SYT1: variants seen among roughly 807,000 people sequenced by gnomAD.
The protein encoded by SYT1 is synaptotagmin 1.
A neutral mutation model predicts 44.8 loss-of-function variants in SYT1; 8 were observed. That is an observed-to-expected ratio of 0.18 (90% CI 0.10 to 0.32). The LOEUF (loss-of-function observed/expected upper bound fraction) is 0.32. SYT1 is among the 10% of genes least tolerant of loss of function. SYT1 has a pLI of 1.00. For synonymous variants in SYT1, 154 were observed against 188.8 expected, an observed-to-expected ratio of 0.82 and a Z score of 1.51; for missense variants, 286 against 509.3, an observed-to-expected ratio of 0.56 and a Z score of 4.22.
At chr12:78,933,994 G>A (rs1057195889) in intron 1 of SYT1, among the ~76,000 whole-genome samples, 2 of 151,910 alleles carry the variant, frequency 1.3e-5, no homozygotes, top group African/African-American at 4.8e-5. Context: ...ATGTCTTTTT[G>A]GTCAATACAG....
intron 1 of SYT1, among the ~76,000 whole-genome samples, chr12:78,941,047 T>G (rs1228206375): frequency 1.1e-5 from 1 of 93,970 alleles, no homozygotes; most frequent in African/African-American, 2.9e-5. Flanking sequence ...TTTCTTTACT[T>G]TTTTTTTCTT....
At chr12:79,280,624 A>G (rs1878995938) in intron 4 of SYT1, among the ~76,000 whole-genome samples, 1 of 152,084 alleles carries the variant, frequency 6.6e-6, no homozygotes, top group African/African-American at 2.4e-5. Flanking sequence ...AAGACCCCAA[A>G]AGCAAATGTA....
At chr12:79,118,742 G>A (rs999574589) in intron 3 of SYT1, among the ~76,000 whole-genome samples, 1 of 152,168 alleles carries the variant, frequency 6.6e-6, no homozygotes, top group South Asian at 2.1e-4. Flanking sequence ...TGCCCTGGTA[G>A]CTCTTTAAAT....
At chr12:79,196,778 G>A (rs894880735) in intron 3 of SYT1, among the ~76,000 whole-genome samples, 105 of 152,224 alleles carry the variant, frequency 6.9e-4, no homozygotes, top group African/African-American at 2.5e-3. Context: ...AATCAATTAG[G>A]GAAACAATTA....
intron 3 of SYT1, among the ~76,000 whole-genome samples, chr12:79,117,712 TATAA>T (rs1555199609): frequency 7.0e-5 from 6 of 85,310 alleles, no homozygotes; most frequent in African/African-American, 2.0e-4. Context: ...TATATATATA[TATAA>T]AATAAATAGG....
chr12:79,227,696 C>T (rs753885835), intron 4 of SYT1, among the ~76,000 whole-genome samples: 10 of 152,138 alleles, frequency 6.6e-5, no homozygotes, highest in Non-Finnish European at 1.0e-4. Flanking sequence ...ATTTTTCTGA[C>T]TATCAGTTTC....
intron 4 of SYT1, among the ~76,000 whole-genome samples, chr12:79,248,666 G>A (rs1876997898): frequency 1.3e-5 from 2 of 152,138 alleles, no homozygotes; most frequent in Admixed American, 1.3e-4. Context: ...AGAGTCAAGA[G>A]GAAATGGTAT....
intron 4 of SYT1, among the ~76,000 whole-genome samples, chr12:79,224,358 G>A (rs1875358213): frequency 6.6e-6 from 1 of 152,104 alleles, no homozygotes; most frequent in Non-Finnish European, 1.5e-5. Context: ...AATGATGTAA[G>A]GAAAAATATA....
rs192178395 is a variant in SYT1, at chr12:79,104,587, C to T, written c.-18+57225C>T. Among the ~76,000 whole-genome samples, 10 of 151,974 alleles carry T rather than the reference C, an allele frequency of 6.6e-5. No individual in the cohort carries two copies. In the East Asian group the frequency reaches 1.9e-3, roughly 29 times the overall value. ...TAGGCAAGGATCTCTTTATTCCTTA[C>T]ACACATATTAATTTAGCATCATACT... is the stretch of plus-strand genomic sequence containing the variant. On this transcript the variant is annotated intron_variant, in intron 3 of 10. Coordinates refer to ENST00000261205, the MANE Select transcript of SYT1 (RefSeq NM_005639.3).
At chr12:79,092,454 T>C (rs1877843523) in intron 3 of SYT1, among the ~76,000 whole-genome samples, 2 of 151,734 alleles carry the variant, frequency 1.3e-5, no homozygotes, top group South Asian at 4.2e-4. Context: ...ATTTCAATTC[T>C]GCACACAAAA....
chr12:79,293,733 C>T (rs941879972), intron 6 of SYT1, among the ~76,000 whole-genome samples: 9 of 152,144 alleles, frequency 5.9e-5, no homozygotes, highest in African/African-American at 2.2e-4. Context: ...CCAGAGGGTT[C>T]CTCATGAAGG....
intron 2 of SYT1, among the ~76,000 whole-genome samples, chr12:78,981,783 C>G (rs1256281547): frequency 1.3e-5 from 2 of 152,156 alleles, no homozygotes; most frequent in Non-Finnish European, 2.9e-5. Context: ...GTAGTCAGCA[C>G]TATGCAAATT....
At chr12:78,968,096 T>C (rs1344872775) in intron 1 of SYT1, among the ~76,000 whole-genome samples, 2 of 152,150 alleles carry the variant, frequency 1.3e-5, no homozygotes, top group East Asian at 3.9e-4. Flanking sequence ...AAATTTACTA[T>C]GAAAATTTAA....
intron 4 of SYT1, among the ~76,000 whole-genome samples, chr12:79,219,354 T>G (rs75672269): frequency 0.015 from 2,213 of 152,178 alleles, 36 homozygotes; most frequent in Middle Eastern, 0.044. Flanking sequence ...CTATTTAGTT[T>G]GATATAATCC....
At chr12:79,170,304 C>T (rs773642443) in intron 3 of SYT1, among the ~76,000 whole-genome samples, 1 of 152,096 alleles carries the variant, frequency 6.6e-6, no homozygotes, top group African/African-American at 2.4e-5. Context: ...AACTAATTTA[C>T]ACTCCCACCA....
At chr12:79,272,391 A>C (rs1878477063) in intron 4 of SYT1, among the ~76,000 whole-genome samples, 1 of 152,220 alleles carries the variant, frequency 6.6e-6, no homozygotes, top group African/African-American at 2.4e-5. Flanking sequence ...ATCAGATGGG[A>C]GATAATATCA....
intron 3 of SYT1, among the ~76,000 whole-genome samples, chr12:79,100,802 G>A (rs1878403087): frequency 6.6e-6 from 1 of 151,898 alleles, no homozygotes; most frequent in South Asian, 2.1e-4. Context: ...TTATTACTTA[G>A]CTACCTTTAG....
At chr12:78,919,905 G>A (rs1876882377) in intron 1 of SYT1, among the ~76,000 whole-genome samples, 1 of 151,896 alleles carries the variant, frequency 6.6e-6, no homozygotes, top group African/African-American at 2.4e-5. Flanking sequence ...TATTATATAT[G>A]TCAAGCATAA....
At chr12:79,026,668 TATATATATATATATATATA>T (rs1428647541) in intron 2 of SYT1, among the ~76,000 whole-genome samples, 3 of 6,510 alleles carry the variant, frequency 4.6e-4, no homozygotes, top group Non-Finnish European at 1.0e-3. Flanking sequence ...ATATATATTT[TATATATATATATATATATA>T]TATATATATA....
Sources: gnomAD v4.1 joint callset for allele counts (sites outside exome capture counted in the v4.1 genomes callset) on GRCh38, gnomAD v4.1.1 for gene constraint, MANE v1.5 for transcripts, NCBI Gene and HGNC (gene_info 2026-07-23, HGNC 2026-07-21) for gene names.